CCDC187: variants seen among roughly 807,000 people sequenced by gnomAD.
The protein encoded by CCDC187 is coiled-coil domain containing 187.
CCDC187 carries 32 observed loss-of-function variants against 38.0 expected under a neutral mutation model. That is an observed-to-expected ratio of 0.84 (90% confidence interval 0.64 to 1.13). The LOEUF is 1.13. Ranked by LOEUF, CCDC187 falls within the 50% of genes most tolerant of loss-of-function variation. The pLI is 0.00. For missense variants in CCDC187, 707 were observed against 786.8 expected (o/e 0.90, Z 1.21); for synonymous variants, 333 against 347.9 (o/e 0.96, Z 0.48).
rs1830707999 is a variant in CCDC187, at chr9:136,263,741, G to A, written c.3793C>T (p.Leu1265Phe). The A allele has an allele frequency of 7.1e-6, 7 of 985,374 alleles. No individual in the cohort carries two copies. Among genetic ancestry groups the A allele is most frequent in the Middle Eastern group, 5.2e-4 (1 of 1,936 alleles). The allele number at this position is 985,374 out of a possible 1,614,324, so 61.0% of individuals were successfully genotyped here. Residue 1265 changes from leucine (L) to phenylalanine (F), a missense_variant, in exon 18 of 26, where the codon CTT (leucine) becomes TTT (phenylalanine). Coordinates refer to ENST00000638797, the MANE Select transcript of CCDC187 (RefSeq NM_001378188.1). ...QLFRHRDRKLLLQHQRDVVSM... is the reference protein window; with the variant it reads ...QLFRHRDRKLFLQHQRDVVSM... ...ACGACGTCCCTCTGATGCTGCAGAAGCAGCTTCCTGTCCCGGTGCCTGAAC... is the reference window on the plus strand; with the variant it reads ...ACGACGTCCCTCTGATGCTGCAGAAACAGCTTCCTGTCCCGGTGCCTGAAC...
At position 136,253,648 on chromosome 9, in the gene CCDC187, C is replaced by T. The variant is rs370109337; in HGVS notation, c.6180G>A (p.Glu2060=). The T allele has an allele frequency of 1.0e-6, 1 of 985,574 alleles. No homozygotes were observed. The highest frequency in any genetic ancestry group is 1.2e-6 in the Non-Finnish European group (1 of 830,008). The allele number at this position is 985,574 out of a possible 1,614,324, so 61.1% of individuals were successfully genotyped here. The stretch of plus-strand genomic sequence containing the variant: ...CAGGAAACAGTCCCTCCGGCAGACT[C>T]TCCTCAGACAAGGAGGACAAATCCT... The part of the protein sequence containing the change: ...TTQDLSSLSE[E]SLPEGLFPGP... The change falls in exon 26 of 26, where the codon GAG becomes GAA. Residue 2060 remains glutamate (E), a synonymous_variant. Transcript: ENST00000638797.
chr9:136,256,811 A>G lies in CCDC187; in HGVS notation c.4397T>C (p.Leu1466Ser), dbSNP rs2131112275. Residue 1466 changes from leucine to serine, a missense_variant, in exon 23 of 26, where the codon TTA becomes TCA. By Grantham distance (145) the Leu-to-Ser change is moderately radical. Transcript: ENST00000638797. Reference sequence around the variant, plus strand: ...TGTTGGAGCCCGGGGCTTCCCTGCTAAGGAAGGGCCGGGCTTGGTCTGAGG... The same window carrying G: ...TGTTGGAGCCCGGGGCTTCCCTGCTGAGGAAGGGCCGGGCTTGGTCTGAGG... ...GDPQTKPGPS[L>S]AGKPRAPTDS... is the part of the protein sequence containing the mutation. The G allele has an allele frequency of 6.6e-6, 1 of 152,356 alleles. No individual in the cohort carries two copies. The allele number at this position is 152,356 out of a possible 1,614,324, so 9.4% of individuals were successfully genotyped here.
intron 9 of CCDC187, among the ~76,000 whole-genome samples, chr9:136,282,172 C>G (rs1486427004): frequency 1.3e-5 from 2 of 152,226 alleles, no homozygotes; most frequent in Admixed American, 1.3e-4. Flanking sequence ...GGTCACGCAT[C>G]AGCTGTGACC....
rs933209098 is a variant in CCDC187, at chr9:136,291,080, G to A, written c.1533C>T (p.Gly511=). Residue 511 remains glycine, a synonymous_variant, in exon 6 of 26, where the codon GGC becomes GGT. Transcript: ENST00000638797. Reference sequence around the variant, plus strand: ...GGCTCCCAGGCCTCTGGGAGGAGGGGCCCTGTCTTTGGGCCCCCCAGGCCC... The same window carrying A: ...GGCTCCCAGGCCTCTGGGAGGAGGGACCCTGTCTTTGGGCCCCCCAGGCCC... ...PQRAWGAQRQ[G]PSSQRPGSPP... 10 of 398,528 alleles carry A rather than the reference G, an allele frequency of 2.5e-5. No homozygotes were observed. The highest frequency in any genetic ancestry group is 8.2e-5 in the African/African-American group (4 of 48,600). 24.7% of individuals were successfully genotyped at this position (398,528 alleles called of 1,614,324 possible).
chr9:136,291,739 C>T (rs1335995173), intron 5 of CCDC187, 94 bp from the exon 6 acceptor site: 2 of 398,206 alleles, frequency 5.0e-6, no homozygotes, highest in Admixed American at 8.8e-5. Flanking sequence ...AGTGTGGGGG[C>T]GGTGAGGAGG....
intron 5 of CCDC187, 54 bp downstream of exon 5, chr9:136,292,107 G>A (rs973818396): frequency 2.0e-4 from 81 of 398,504 alleles, no homozygotes; most frequent in Middle Eastern, 1.9e-3. Flanking sequence ...CTCTGTGCCC[G>A]CCCCCAGATG....
At chr9:136,262,575 G>GGAGCAA in intron 18 of CCDC187, 113 bp from the exon 19 acceptor site, 1 of 878,660 alleles carries the variant, frequency 1.1e-6, no homozygotes, top group Non-Finnish European at 1.4e-6. Flanking sequence ...GCAGTGCCGG[G>GGAGCAA]GCTGCTTGCT....
rs1267150680 is a variant in CCDC187 at position 136,293,728 on chromosome 9, A to T, written c.833-1433T>A. Among the ~76,000 whole-genome samples, 5 of 151,890 alleles carry T rather than the reference A, an allele frequency of 3.3e-5. No individual in the cohort carries two copies. The East Asian group carries it at 9.7e-4, about 30-fold the overall frequency. ...GTCACATGCTTTCACATGCTCACTC[A>T]TGCATTCACACATGCACACACACTT... On this transcript the variant is annotated intron_variant, in intron 4 of 25. Coordinates refer to ENST00000638797, the MANE Select transcript of CCDC187 (RefSeq NM_001378188.1).
At chr9:136,283,340 C>T (rs1254262657) in intron 9 of CCDC187, among the ~76,000 whole-genome samples, 1 of 152,256 alleles carries the variant, frequency 6.6e-6, no homozygotes, top group Non-Finnish European at 1.5e-5. Flanking sequence ...GGAAACGCAC[C>T]AGATGGCAGC....
Position 136,253,420 on chromosome 9 carries a change from C to G in CCDC187, c.*174G>C. On this transcript the variant is annotated 3_prime_UTR_variant, in exon 26 of 26. Transcript: ENST00000638797. ...ATGGAGCTGGGGGCTGCACTGATGG[C>G]CCTGGGAGCCCTCCAGGGGCACTGC... 1.1e-5 allele frequency: 2 copies of G among 179,238 alleles called. No homozygotes were observed. The highest frequency in any genetic ancestry group is 2.2e-5 in the Non-Finnish European group (2 of 92,626). The allele number at this position is 179,238 out of a possible 1,614,324, so 11.1% of individuals were successfully genotyped here.
intron 4 of CCDC187, among the ~76,000 whole-genome samples, chr9:136,295,271 G>A (rs1831507691): frequency 1.3e-5 from 2 of 152,234 alleles, no homozygotes; most frequent in Admixed American, 6.5e-5. Context: ...CGCCTGGGGA[G>A]GGGCTGCCCG....
chr9:136,289,724 C>G (rs1480719295), intron 7 of CCDC187, among the ~76,000 whole-genome samples: 1 of 152,142 alleles, frequency 6.6e-6, no homozygotes, highest in African/African-American at 2.4e-5. Flanking sequence ...TGCACTTTAA[C>G]GTGGTGGATT....
At chr9:136,299,727 C>G (rs1831627607) in intron 3 of CCDC187, among the ~76,000 whole-genome samples, 1 of 152,208 alleles carries the variant, frequency 6.6e-6, no homozygotes. Flanking sequence ...TGGTGGGGCC[C>G]TTGGCCCCAG....
At chr9:136,306,897 G>C (rs1831810963), upstream of CCDC187, 1 of 152,164 alleles carries the variant, frequency 6.6e-6, no homozygotes, top group East Asian at 1.9e-4. Flanking sequence ...CGGTGATGGC[G>C]GGCCAGTCGT....
At position 136,292,311 on chromosome 9, in the gene CCDC187, CAT is replaced by C. The variant is rs1831352192; in HGVS notation, c.833-18_833-17del. The C allele has an allele frequency of 1.0e-5, 4 of 398,570 alleles. No individual in the cohort carries two copies. The highest frequency in any genetic ancestry group is 2.1e-5 in the African/African-American group (1 of 48,640). 24.7% of individuals were successfully genotyped at this position (398,570 alleles called of 1,614,324 possible). A position where few individuals can be genotyped will look rare whatever the true frequency, so the allele number is the denominator to read the frequency against. On this transcript the variant is annotated splice_polypyrimidine_tract_variant and intron_variant, in intron 4 of 25. Transcript: ENST00000638797. The stretch of plus-strand genomic sequence containing the variant: ...AGCTCCGAATCTTAAACAGAGAAAA[CAT>C]ACACACAGCCGGGCGCCCCATGGCC...
intron 10 of CCDC187, among the ~76,000 whole-genome samples, chr9:136,277,147 C>T (rs1415933677): frequency 4.0e-5 from 6 of 151,810 alleles, no homozygotes; most frequent in African/African-American, 1.5e-4. Context: ...TGACCTTGAA[C>T]AAATCACTTG....
rs903590338 is a variant in CCDC187, at chr9:136,250,267, C to A, written c.*3327G>T. On this transcript the variant is annotated 3_prime_UTR_variant, in exon 26 of 26. Transcript: ENST00000638797. ...CGGGTTTTCCTTCGTTCCTCACGAC[C>A]AGCCCCCTTCAAGGGCACCCTACCA... 5.4e-5 allele frequency: 9 copies of A among 167,662 alleles called. No individual in the cohort carries two copies. Among genetic ancestry groups the A allele is most frequent in the Non-Finnish European group, 1.2e-4 (9 of 76,684 alleles). The allele number at this position is 167,662 out of a possible 1,614,324, so 10.4% of individuals were successfully genotyped here. A position where few individuals can be genotyped will look rare whatever the true frequency, so the allele number is the denominator to read the frequency against.
At chr9:136,282,939 A>G (rs1032561676) in intron 9 of CCDC187, among the ~76,000 whole-genome samples, 83 of 152,354 alleles carry the variant, frequency 5.4e-4, no homozygotes, top group Non-Finnish European at 1.1e-3. Flanking sequence ...CAGAGGGGAC[A>G]GACTCACCCC....
chr9:136,281,156 T>G (rs1356200951), intron 10 of CCDC187: 4 of 327,656 alleles, frequency 1.2e-5, no homozygotes, highest in Non-Finnish European at 2.2e-5. Context: ...GCTGGGTCCC[T>G]TGGGCACCAG....
Sources: gnomAD v4.1 joint callset for allele counts (sites outside exome capture counted in the v4.1 genomes callset) on GRCh38, gnomAD v4.1.1 for gene constraint, MANE v1.5 for transcripts, NCBI Gene and HGNC (gene_info 2026-07-23, HGNC 2026-07-21) for gene names.